The following CFAP69 variants were observed in gnomAD, a reference collection of about 807,000 sequenced individuals.
CFAP69 encodes cilia and flagella associated protein 69, also known as cilia- and flagella-associated protein 69.
Under a neutral mutation model 123.0 loss-of-function variants are expected in CFAP69, and 92 were observed. The ratio of observed to expected loss-of-function variants is 0.75; its 90% CI spans 0.63 to 0.89. CFAP69 has a LOEUF of 0.89. CFAP69 is among the 40% of genes least tolerant of loss of function. The probability of loss-of-function intolerance (pLI) is 0.00; values close to 1 mark genes in which losing one functional copy is unlikely to be tolerated. For missense variants in CFAP69, 1,067 were observed against 1,096.9 expected (o/e 0.97, Z 0.39); for synonymous variants, 380 against 364.3 (o/e 1.04, Z -0.49).
rs772803318 is a variant in CFAP69 at position 90,271,491 on chromosome 7, A to G, written c.533-35A>G. On this transcript the variant is annotated intron_variant, in intron 6 of 22. Coordinates refer to ENST00000389297, the MANE Select transcript of CFAP69 (RefSeq NM_001039706.3). ...TTTGTCTTAATGATCATTCTGTGAG[A>G]TAACTGTATGTATTTATTAATGAAT... is the stretch of plus-strand genomic sequence containing the variant. 9 of 1,569,400 alleles carry G rather than the reference A, an allele frequency of 5.7e-6. No homozygotes were observed. The Admixed American group carries it at 9.2e-5, about 16-fold the overall frequency.
At chr7:90,318,323 G>A in the CFAP69 span, 2 of 121,870 alleles carry the variant, frequency 1.6e-5, no homozygotes, top group Non-Finnish European at 3.3e-5. Context: ...CTATCAAATT[G>A]TACTTTACTG....
In CFAP69 at chr7:90,274,677, T is replaced by G. The variant is rs557314214; in HGVS notation, c.984+567T>G. ...GCACCCTGGACTCTGATGAGAAGTA[T>G]CCATTATTTCAAATCGTTATTCCCC... is the stretch of plus-strand genomic sequence containing the variant. On this transcript the variant is annotated intron_variant, in intron 9 of 22. Coordinates refer to ENST00000389297, the MANE Select transcript of CFAP69 (RefSeq NM_001039706.3). Among the ~76,000 whole-genome samples, 5 of 152,286 alleles carry G rather than the reference T, an allele frequency of 3.3e-5. No individual in the cohort carries two copies. The South Asian group carries it at 1.0e-3, about 32-fold the overall frequency.
At chr7:90,249,453 A>G (rs1271540522) in intron 1 of CFAP69, among the ~76,000 whole-genome samples, 3 of 152,152 alleles carry the variant, frequency 2.0e-5, no homozygotes, top group Non-Finnish European at 4.4e-5. Flanking sequence ...AAAACCTACC[A>G]AATAGGAAGA....
the CFAP69 span, chr7:90,319,593 G>A: frequency 2.5e-6 from 1 of 398,574 alleles, no homozygotes; most frequent in Non-Finnish European, 4.4e-6. Context: ...ATGTCAAAGA[G>A]CAAGCTTTCC....
At position 90,297,734 on chromosome 7, in the gene CFAP69, T is replaced by C; in HGVS notation, c.1776-15T>C. 1 of 1,504,456 alleles carries C rather than the reference T, an allele frequency of 6.6e-7. No homozygotes were observed. The highest frequency in any genetic ancestry group is 9.1e-7 in the Non-Finnish European group (1 of 1,103,918). 93.2% of individuals were successfully genotyped at this position (1,504,456 alleles called of 1,614,324 possible). ...ATAAATGTTTGTCAAATGAATAACT[T>C]TCTTTTAATTTAAGGTGCTGTATTT... is the stretch of plus-strand genomic sequence containing the variant. On this transcript the variant is annotated splice_polypyrimidine_tract_variant and intron_variant, in intron 15 of 22. Transcript: ENST00000389297.
intron 1 of CFAP69, 67 bp from the exon 2 acceptor site, chr7:90,255,356 A>G: frequency 8.2e-7 from 1 of 1,216,590 alleles, no homozygotes; most frequent in Non-Finnish European, 1.2e-6. Flanking sequence ...CATATAAATT[A>G]GTGTGTTAGA....
Position 90,288,218 on chromosome 7 carries a change from C to T in CFAP69, c.1657-16C>T, listed in dbSNP as rs1435399627. 3 of 1,578,374 alleles carry T rather than the reference C, an allele frequency of 1.9e-6. No individual in the cohort carries two copies. Among genetic ancestry groups the T allele is most frequent in the Middle Eastern group, 3.5e-4 (2 of 5,784 alleles). On this transcript the variant is annotated splice_polypyrimidine_tract_variant and intron_variant, in intron 14 of 22. Coordinates refer to ENST00000389297, the MANE Select transcript of CFAP69 (RefSeq NM_001039706.3). ...ATTTATTTCAAGAAATAATTTAAAA[C>T]AAATATCTTAAACAGGAAATTTTCG...
intron 20 of CFAP69, 88 bp from the exon 21 acceptor site, chr7:90,307,680 C>T (rs1793799300): frequency 1.3e-6 from 1 of 761,786 alleles, no homozygotes; most frequent in East Asian, 2.8e-5. Flanking sequence ...TGCCACTGGA[C>T]TCCAGCCTGG....
intron 17 of CFAP69, chr7:90,303,255 A>G (rs1042605144): frequency 4.6e-5 from 7 of 150,936 alleles, no homozygotes; most frequent in African/African-American, 1.5e-4. Flanking sequence ...GACTCATGTC[A>G]TCTGCAAACA....
At position 90,288,370 on chromosome 7, in the gene CFAP69, CA is replaced by C; in HGVS notation, c.1775+21del. Reference sequence around the variant, plus strand: ...AGCATTTGGTGAGTATTGCTATAATCAAATTAGGTAGACTCACAGCAGTCAT... The same window carrying C: ...AGCATTTGGTGAGTATTGCTATAATCAATTAGGTAGACTCACAGCAGTCAT... On this transcript the variant is annotated intron_variant, in intron 15 of 22. Coordinates refer to ENST00000389297, the MANE Select transcript of CFAP69 (RefSeq NM_001039706.3). 6.2e-7 allele frequency: 1 copy of C among 1,601,234 alleles called. No individual in the cohort carries two copies. Among genetic ancestry groups the C allele is most frequent in the Non-Finnish European group, 8.5e-7 (1 of 1,172,234 alleles).
chr7:90,256,525 A>T (rs959120942), intron 2 of CFAP69, among the ~76,000 whole-genome samples: 68 of 143,620 alleles, frequency 4.7e-4, no homozygotes, highest in South Asian at 3.0e-3. Context: ...TTAAAGTATA[A>T]AAAAAAAAAA....
chr7:90,286,486 ATT>A (rs1298873397), intron 14 of CFAP69, 87 bp downstream of exon 14: 8 of 1,365,964 alleles, frequency 5.9e-6, no homozygotes, highest in Non-Finnish European at 8.0e-6. Context: ...ATTGTATTTA[ATT>A]TTGTGAAAAT....
At chr7:90,255,378 G>C in intron 1 of CFAP69, 45 bp from the exon 2 acceptor site, 1 of 1,448,372 alleles carries the variant, frequency 6.9e-7, no homozygotes, top group Non-Finnish European at 9.7e-7. Context: ...ATGACTTATT[G>C]ATATAGAAGA....
chr7:90,295,500 C>G (rs1033964867), intron 15 of CFAP69, among the ~76,000 whole-genome samples: 1 of 152,136 alleles, frequency 6.6e-6, no homozygotes, highest in Non-Finnish European at 1.5e-5. Context: ...AGTATCGTCC[C>G]TTCGGGGCTT....
At chr7:90,306,384 C>T (rs1400145487) in intron 19 of CFAP69, among the ~76,000 whole-genome samples, 1 of 152,120 alleles carries the variant, frequency 6.6e-6, no homozygotes, top group Non-Finnish European at 1.5e-5. Context: ...CATGATGGAA[C>T]CATGGAGTTA....
intron 9 of CFAP69, among the ~76,000 whole-genome samples, chr7:90,275,371 T>C (rs1421289199): frequency 6.6e-6 from 1 of 152,112 alleles, no homozygotes; most frequent in Non-Finnish European, 1.5e-5. Flanking sequence ...TCTGCACTTG[T>C]GTGGTTCAGC....
At chr7:90,300,318 A>G (rs1014497115) in intron 17 of CFAP69, 4 of 915,794 alleles carry the variant, frequency 4.4e-6, no homozygotes, top group Middle Eastern at 5.3e-4. Flanking sequence ...AAATTAAAGT[A>G]GTTCCTAAAG....
At chr7:90,276,998 G>A in intron 9 of CFAP69, 75 bp from the exon 10 acceptor site, 1 of 1,048,254 alleles carries the variant, frequency 9.5e-7, no homozygotes, top group Non-Finnish European at 1.4e-6. Context: ...TACTTAAGTA[G>A]TAAATATGAG....
chr7:90,311,558 A>G (rs2117508903), downstream of CFAP69, among the ~76,000 whole-genome samples: 1 of 152,336 alleles, frequency 6.6e-6, no homozygotes, highest in South Asian at 2.1e-4. Context: ...AGATAAGAGC[A>G]GGCTCTATCA....
Sources: gnomAD v4.1 joint callset for allele counts (sites outside exome capture counted in the v4.1 genomes callset) on GRCh38, gnomAD v4.1.1 for gene constraint, MANE v1.5 for transcripts, NCBI Gene and HGNC (gene_info 2026-07-23, HGNC 2026-07-21) for gene names.